Variants in SLC26A4 observed in about 807,000 individuals in gnomAD.
The protein encoded by SLC26A4 is pendrin.
Under a neutral mutation model 90.4 loss-of-function variants are expected in SLC26A4, and 93 were observed. The observed-to-expected ratio is 1.03, with a 90% confidence interval of 0.87 to 1.22. The LOEUF is 1.22. Among genes scored for constraint, SLC26A4 ranks in the 50% most tolerant of loss-of-function variants. The pLI, the probability that SLC26A4 is intolerant of heterozygous loss-of-function variation, is 0.00. For synonymous variants in SLC26A4, 393 were observed against 354.6 expected (o/e 1.11, Z -1.22); for missense variants, 1,127 against 946.2 (o/e 1.19, Z -2.51).
rs546450643 is a variant in SLC26A4 at position 107,674,940 on chromosome 7, C to G, written c.601-5C>G. 2 of 1,613,338 alleles carry G rather than the reference C, an allele frequency of 1.2e-6. No individual in the cohort carries two copies. Among genetic ancestry groups the G allele is most frequent in the Non-Finnish European group, 1.7e-6 (2 of 1,179,560 alleles). ...TTAATTTTTCTTTCCTTTTCCTTAT[C>G]GTAGTTGATATTTGGTGGCTTGCAG... On this transcript the variant is annotated splice_polypyrimidine_tract_variant and splice_region_variant and intron_variant, in intron 5 of 20. Coordinates refer to ENST00000644269, the MANE Select transcript of SLC26A4 (RefSeq NM_000441.2).
At position 107,670,174 on chromosome 7, in the gene SLC26A4, A is replaced by G. The variant is rs562069497; in HGVS notation, c.305-1964A>G. On this transcript the variant is annotated intron_variant, in intron 3 of 20. Coordinates refer to ENST00000644269, the MANE Select transcript of SLC26A4 (RefSeq NM_000441.2). ...GCCCAGGCTGGAATGCAGTGGCGCA[A>G]TCTCGGCTCACTGAAACCTCCGCCT... Among the ~76,000 whole-genome samples, 42 of 151,352 alleles carry G rather than the reference A, an allele frequency of 2.8e-4. No individual in the cohort carries two copies. In the South Asian group the frequency reaches 7.7e-3, roughly 28 times the overall value.
At chr7:107,699,653 G>T (rs1791831256) in intron 14 of SLC26A4, among the ~76,000 whole-genome samples, 1 of 152,168 alleles carries the variant, frequency 6.6e-6, no homozygotes, top group Non-Finnish European at 1.5e-5. Context: ...TAGAGGCCGG[G>T]CACGGTGGTT....
intron 19 of SLC26A4, among the ~76,000 whole-genome samples, chr7:107,711,415 C>A (rs548361491): frequency 1.3e-5 from 2 of 152,186 alleles, no homozygotes; most frequent in South Asian, 4.2e-4. Context: ...GTCATAAAAA[C>A]CACTAACCAA....
chr7:107,662,617 CTT>C (rs1457248359), intron 2 of SLC26A4, among the ~76,000 whole-genome samples: 1 of 152,076 alleles, frequency 6.6e-6, no homozygotes, highest in Non-Finnish European at 1.5e-5. Flanking sequence ...TTTAAAGACT[CTT>C]AAAAAATATA....
At chr7:107,667,335 C>T (rs1330292406) in intron 3 of SLC26A4, among the ~76,000 whole-genome samples, 2 of 151,554 alleles carry the variant, frequency 1.3e-5, no homozygotes, top group Non-Finnish European at 2.9e-5. Flanking sequence ...GAAAAGAGAG[C>T]CAGAGTACTT....
intron 3 of SLC26A4, 33 bp from the exon 4 acceptor site, chr7:107,672,105 T>C (rs776640411): frequency 7.4e-7 from 1 of 1,356,172 alleles, no homozygotes; most frequent in Admixed American, 1.7e-5. Context: ...TAACTTTGGT[T>C]TGTGAATGTA....
rs144573331 is a variant in SLC26A4 at position 107,684,799 on chromosome 7, A to G, written c.1001+1262A>G. ...GATCAACAAATCTAATCTAACAACT[A>G]GATAATTTCATTAGTTAGAAACAAT... On this transcript the variant is annotated intron_variant, in intron 8 of 20. Coordinates refer to ENST00000644269, the MANE Select transcript of SLC26A4 (RefSeq NM_000441.2). Among the ~76,000 whole-genome samples, 37 of 152,320 alleles carry G rather than the reference A, an allele frequency of 2.4e-4. No homozygotes were observed. In the East Asian group the frequency reaches 6.6e-3, roughly 27 times the overall value.
chr7:107,661,333 G>T lies in SLC26A4; in HGVS notation c.-3-306G>T. ...CAGCGCCCTGGCTGCGGGCCATAGG[G>T]GACTGGGTGGAACTCGGGAAGCCCC... is the stretch of plus-strand genomic sequence containing the variant. On this transcript the variant is annotated intron_variant, in intron 1 of 20. Coordinates refer to ENST00000644269, the MANE Select transcript of SLC26A4 (RefSeq NM_000441.2). The surrounding 1 kb of genome is among the most constrained non-coding windows in gnomAD (Gnocchi z 5.1). 1 of 508,722 alleles carries T rather than the reference G, an allele frequency of 2.0e-6. No homozygotes were observed. The highest frequency in any genetic ancestry group is 3.6e-6 in the Non-Finnish European group (1 of 280,788). The allele number at this position is 508,722 out of a possible 1,614,324, so 31.5% of individuals were successfully genotyped here.
chr7:107,692,194 T>C (rs1791595300), intron 10 of SLC26A4: 3 of 704,040 alleles, frequency 4.3e-6, no homozygotes, highest in Non-Finnish European at 5.7e-6. Context: ...GAATGAAGGA[T>C]GCCAGGATTT....
chr7:107,702,274 G>A (rs1453032988), intron 17 of SLC26A4, among the ~76,000 whole-genome samples: 1 of 152,182 alleles, frequency 6.6e-6, no homozygotes, highest in Non-Finnish European at 1.5e-5. Context: ...ACGACCCTGG[G>A]CAAGTTGCTT....
At chr7:107,708,985 C>A (rs1288276727) in intron 18 of SLC26A4, among the ~76,000 whole-genome samples, 1 of 152,150 alleles carries the variant, frequency 6.6e-6, no homozygotes, top group African/African-American at 2.4e-5. Context: ...AATTCTTTAG[C>A]AGCAGAGCCC....
At position 107,661,535 on chromosome 7, in the gene SLC26A4, G is replaced by A; in HGVS notation, c.-3-104G>A. ...CAGACTCGCGGTGCAGGGGGGCCTGGCTGCAGCTAACAGGTGATCCCGTTC... is the reference window on the plus strand; with the variant it reads ...CAGACTCGCGGTGCAGGGGGGCCTGACTGCAGCTAACAGGTGATCCCGTTC... On this transcript the variant is annotated intron_variant, in intron 1 of 20. Coordinates refer to ENST00000644269, the MANE Select transcript of SLC26A4 (RefSeq NM_000441.2). This position sits in a 1 kb window ranked among gnomAD's most constrained non-coding sequence, Gnocchi z 5.1. The A allele has an allele frequency of 1.6e-6, 2 of 1,277,164 alleles. No individual in the cohort carries two copies. Among genetic ancestry groups the A allele is most frequent in the Admixed American group, 2.0e-5 (1 of 50,448 alleles). The allele number at this position is 1,277,164 out of a possible 1,614,324, so 79.1% of individuals were successfully genotyped here.
At chr7:107,714,188 AT>A (rs1792275968) in intron 20 of SLC26A4, among the ~76,000 whole-genome samples, 1 of 151,872 alleles carries the variant, frequency 6.6e-6, no homozygotes, top group Admixed American at 6.6e-5. Flanking sequence ...GCCCTCCCAG[AT>A]TGCTGGGATT....
chr7:107,717,235 G>C lies in SLC26A4; in HGVS notation c.*1789G>C, dbSNP rs190337640. ...AAATTAGCCTAGCGTGGTGGCTGGC[G>C]GGCGCCTGTAGTCCCAGCTATTTGG... is the stretch of plus-strand genomic sequence containing the variant. On this transcript the variant is annotated 3_prime_UTR_variant, in exon 21 of 21. Transcript: ENST00000644269. The C allele has an allele frequency of 6.6e-6, 1 of 152,052 alleles. No homozygotes were observed. Among genetic ancestry groups the C allele is most frequent in the South Asian group, 2.1e-4 (1 of 4,822 alleles). 9.4% of individuals were successfully genotyped at this position (152,052 alleles called of 1,614,324 possible).
At position 107,712,232 on chromosome 7, in the gene SLC26A4, A is replaced by C. The variant is rs375424869; in HGVS notation, c.2236-307A>C. 1.1e-4 allele frequency among the ~76,000 whole-genome samples: 16 copies of C among 152,336 alleles called. No individual in the cohort carries two copies. In the East Asian group the frequency reaches 1.2e-3, roughly 11 times the overall value. On this transcript the variant is annotated intron_variant, in intron 19 of 20. Transcript: ENST00000644269. ...TCTTAGCTTAGCCATTGAGAGATGC[A>C]CTATTGACTGCTGAATCATTTAGGC...
chr7:107,698,119 C>T lies in SLC26A4; in HGVS notation c.1614+8C>T, dbSNP rs370184422. On this transcript the variant is annotated splice_region_variant and intron_variant, in intron 14 of 20. Coordinates refer to ENST00000644269, the MANE Select transcript of SLC26A4 (RefSeq NM_000441.2). ...ACCAAGAATTACAAAAACGTAAGTACCTTTGTGAGACATTTGCTGGACTTG... is the reference window on the plus strand; with the variant it reads ...ACCAAGAATTACAAAAACGTAAGTATCTTTGTGAGACATTTGCTGGACTTG... 7.3e-5 allele frequency: 115 copies of T among 1,577,944 alleles called. 1 individual carries two copies. The African/African-American group carries it at 1.2e-3, about 16-fold the overall frequency.
Position 107,661,795 on chromosome 7 carries a change from A to G in SLC26A4, c.154A>G (p.Lys52Glu). The G allele has an allele frequency of 6.5e-7, 1 of 1,537,802 alleles. No individual in the cohort carries two copies. The change falls in exon 2 of 21, where the codon AAG becomes GAG. Residue 52 changes from lysine to glutamate, a missense_variant. Lys to Glu is a moderately conservative substitution (Grantham distance 56). Transcript: ENST00000644269. This position sits in a 1 kb window ranked among gnomAD's most constrained non-coding sequence, Gnocchi z 5.1. Reference sequence around the variant, plus strand: ...CAAGACGCTGCGGGAGAGCCTGGCCAAGTGCTGCAGGTAGCGGCCGCGCGG... The same window carrying G: ...CAAGACGCTGCGGGAGAGCCTGGCCGAGTGCTGCAGGTAGCGGCCGCGCGG... ...ERKTLRESLA[K>E]CCSCSRKRAF... is the part of the protein sequence containing the mutation.
In SLC26A4 at chr7:107,716,764, A is replaced by G. The variant is rs562536404; in HGVS notation, c.*1318A>G. ...TTGAGAATGTCTTGCTTGATTGAAA[A>G]CGACATCATCCCTTGGTATACTCCA... On this transcript the variant is annotated 3_prime_UTR_variant, in exon 21 of 21. Coordinates refer to ENST00000644269, the MANE Select transcript of SLC26A4 (RefSeq NM_000441.2). 7.9e-4 allele frequency: 120 copies of G among 152,184 alleles called. No individual in the cohort carries two copies. Among genetic ancestry groups the G allele is most frequent in the African/African-American group, 2.8e-3 (117 of 41,530 alleles). 9.4% of individuals were successfully genotyped at this position (152,184 alleles called of 1,614,324 possible). A position where few individuals can be genotyped will look rare whatever the true frequency, so the allele number is the denominator to read the frequency against.
chr7:107,689,207 G>A lies in SLC26A4; in HGVS notation c.1149+7G>A, dbSNP rs746381746. ...CACCATCGATGGGAACCAGGTATGG[G>A]TGCCCTTTTGCTGAACTGGTTTTAT... On this transcript the variant is annotated splice_region_variant and intron_variant, in intron 9 of 20. Coordinates refer to ENST00000644269, the MANE Select transcript of SLC26A4 (RefSeq NM_000441.2). The A allele has an allele frequency of 2.5e-6, 4 of 1,613,430 alleles. No homozygotes were observed. Among genetic ancestry groups the A allele is most frequent in the Non-Finnish European group, 3.4e-6 (4 of 1,179,538 alleles).
Sources: allele counts gnomAD v4.1 joint callset (sites outside exome capture counted in the v4.1 genomes callset), GRCh38; gene constraint gnomAD v4.1.1; non-coding constraint Gnocchi (gnomAD v3.1); transcripts MANE v1.5; gene names NCBI Gene and HGNC (gene_info 2026-07-23, HGNC 2026-07-21).